RAP1GDS1: variants seen among roughly 807,000 people sequenced by gnomAD.
The protein encoded by RAP1GDS1 is Rap1 GTPase-GDP dissociation stimulator 1, also known as RAP1, GTP-GDP dissociation stimulator 1.
In RAP1GDS1, 35 loss-of-function variants were observed where a neutral mutation model predicts 71.1. The observed-to-expected ratio is 0.49, with a 90% CI of 0.38 to 0.65. The LOEUF is 0.65. Ranked by LOEUF, RAP1GDS1 falls within the 30% of genes least tolerant of loss-of-function variation. RAP1GDS1 has a pLI of 0.00. For missense variants in RAP1GDS1, 663 were observed against 706.1 expected (o/e 0.94, Z 0.69); for synonymous variants, 229 against 243.1 (o/e 0.94, Z 0.54).
intron 11 of RAP1GDS1, among the ~76,000 whole-genome samples, chr4:98,420,452 G>T (rs561929976): frequency 1.3e-5 from 2 of 151,778 alleles, no homozygotes; most frequent in Non-Finnish European, 2.9e-5. Flanking sequence ...CGCAACTTCC[G>T]CCTCCTGGGT....
At chr4:98,419,390 A>G (rs1048825170) in intron 10 of RAP1GDS1, among the ~76,000 whole-genome samples, 1 of 152,210 alleles carries the variant, frequency 6.6e-6, no homozygotes, top group Non-Finnish European at 1.5e-5. Flanking sequence ...AATGACATCA[A>G]TTAACAGAGT....
chr4:98,387,203 C>G (rs2110118233), intron 5 of RAP1GDS1, among the ~76,000 whole-genome samples: 1 of 152,214 alleles, frequency 6.6e-6, no homozygotes. Flanking sequence ...CAAGTTCATT[C>G]TTAAGTTCTA....
At chr4:98,362,812 T>A (rs1738938249) in intron 4 of RAP1GDS1, among the ~76,000 whole-genome samples, 3 of 152,192 alleles carry the variant, frequency 2.0e-5, no homozygotes, top group Admixed American at 1.3e-4. Flanking sequence ...TATGAAATAA[T>A]GAGTAAATGC....
At chr4:98,394,825 C>A (rs987456096) in intron 6 of RAP1GDS1, among the ~76,000 whole-genome samples, 2 of 152,086 alleles carry the variant, frequency 1.3e-5, no homozygotes, top group African/African-American at 4.8e-5. Flanking sequence ...ATTAACATTT[C>A]TCCAAAAGTG....
At chr4:98,354,687 A>G (rs1279890103) in intron 4 of RAP1GDS1, among the ~76,000 whole-genome samples, 2 of 152,286 alleles carry the variant, frequency 1.3e-5, no homozygotes, top group Non-Finnish European at 1.5e-5. Context: ...ATAAAGTTCT[A>G]TGGATATCCT....
chr4:98,377,242 G>A (rs1741300385), intron 4 of RAP1GDS1, among the ~76,000 whole-genome samples: 1 of 151,880 alleles, frequency 6.6e-6, no homozygotes, highest in Admixed American at 6.6e-5. Flanking sequence ...AATTTAGGAT[G>A]GGATGTACTA....
rs1752131981 is a variant in RAP1GDS1, at chr4:98,443,645, T to C, written c.*1528T>C. The C allele has an allele frequency of 9.5e-6, 2 of 209,762 alleles. No individual in the cohort carries two copies. The highest frequency in any genetic ancestry group is 1.9e-5 in the Non-Finnish European group (2 of 103,332). The allele number at this position is 209,762 out of a possible 1,614,324, so 13.0% of individuals were successfully genotyped here. On this transcript the variant is annotated 3_prime_UTR_variant, in exon 15 of 15. Transcript: ENST00000408927. ...ATAATCCAAGAAAGTTAAATTCTAA[T>C]GGAGGTAAAGAATCTTGACTGATTG...
At chr4:98,338,882 C>T (rs1735101089) in intron 2 of RAP1GDS1, among the ~76,000 whole-genome samples, 1 of 152,028 alleles carries the variant, frequency 6.6e-6, no homozygotes, top group Admixed American at 6.5e-5. Flanking sequence ...TAGTAGCATA[C>T]CTGGAAATTC....
intron 11 of RAP1GDS1, among the ~76,000 whole-genome samples, chr4:98,420,918 G>T (rs912508567): frequency 6.6e-6 from 1 of 152,124 alleles, no homozygotes; most frequent in African/African-American, 2.4e-5. Flanking sequence ...AATGAATTAT[G>T]TTTATTTACT....
intron 12 of RAP1GDS1, among the ~76,000 whole-genome samples, chr4:98,422,930 G>C (rs1749094567): frequency 6.6e-6 from 1 of 152,190 alleles, no homozygotes; most frequent in Non-Finnish European, 1.5e-5. Context: ...GGAGAGAATA[G>C]CAAAATGGCT....
chr4:98,404,315 A>G (rs939430050), intron 6 of RAP1GDS1, among the ~76,000 whole-genome samples, 162 bp from the exon 7 acceptor site: 7 of 152,138 alleles, frequency 4.6e-5, no homozygotes, highest in Non-Finnish European at 8.8e-5. Flanking sequence ...AAAGCCTTAG[A>G]TATTTTTCCT....
chr4:98,441,605 T>C (rs1270784349), intron 14 of RAP1GDS1: 1 of 984,944 alleles, frequency 1.0e-6, no homozygotes, highest in East Asian at 1.1e-4. Flanking sequence ...GTTTTTCTTT[T>C]TAAAAATTGG....
chr4:98,395,850 G>C (rs1356567484), intron 6 of RAP1GDS1: 1 of 152,174 alleles, frequency 6.6e-6, no homozygotes, highest in Non-Finnish European at 1.5e-5. Context: ...GGAAATGGGA[G>C]TGTATGAATC....
chr4:98,355,906 A>G (rs1197042158), intron 4 of RAP1GDS1, among the ~76,000 whole-genome samples: 2 of 152,204 alleles, frequency 1.3e-5, no homozygotes, highest in Non-Finnish European at 2.9e-5. Flanking sequence ...TCTTGCATAT[A>G]GAGATGAAAG....
intron 1 of RAP1GDS1, among the ~76,000 whole-genome samples, chr4:98,275,714 C>G (rs1486585925): frequency 6.6e-6 from 1 of 152,104 alleles, no homozygotes; most frequent in African/African-American, 2.4e-5. Context: ...GACTTTTTCT[C>G]TCTATGAATT....
chr4:98,276,789 G>A (rs1015826240), intron 1 of RAP1GDS1, among the ~76,000 whole-genome samples: 2 of 152,150 alleles, frequency 1.3e-5, no homozygotes, highest in Admixed American at 6.6e-5. Flanking sequence ...TTTGCCCTAA[G>A]AATGTGGGCC....
In RAP1GDS1 at chr4:98,280,595, C is replaced by G. The variant is rs534684375; in HGVS notation, c.5-12813C>G. Among the ~76,000 whole-genome samples the G allele has an allele frequency of 2.0e-5, 3 of 152,246 alleles. No individual in the cohort carries two copies. The South Asian group carries it at 6.2e-4, about 32-fold the overall frequency. On this transcript the variant is annotated intron_variant, in intron 1 of 14. Transcript: ENST00000408927. Reference sequence around the variant, plus strand: ...TCTGATGGTAGTTTCTTTTGCTTTGCTGAAGCTCTTTAGTTTAATTAGATC... The same window carrying G: ...TCTGATGGTAGTTTCTTTTGCTTTGGTGAAGCTCTTTAGTTTAATTAGATC...
intron 2 of RAP1GDS1, among the ~76,000 whole-genome samples, chr4:98,320,933 C>G (rs1354719955): frequency 3.6e-5 from 4 of 111,338 alleles, no homozygotes; most frequent in Admixed American, 2.0e-4. Flanking sequence ...ATGATTTTGA[C>G]GAGCTGAGAG....
chr4:98,387,952 G>A (rs1038107186), intron 5 of RAP1GDS1, among the ~76,000 whole-genome samples: 2 of 152,082 alleles, frequency 1.3e-5, no homozygotes, highest in African/African-American at 4.8e-5. Flanking sequence ...ATTTCTTCCT[G>A]TTTGTCTTTC....
Sources: gnomAD v4.1 joint callset for allele counts (sites outside exome capture counted in the v4.1 genomes callset) on GRCh38, gnomAD v4.1.1 for gene constraint, MANE v1.5 for transcripts, NCBI Gene and HGNC (gene_info 2026-07-23, HGNC 2026-07-21) for gene names.